The following ZNF169 variants were observed in gnomAD, a reference collection of about 807,000 sequenced individuals.
ZNF169 encodes the protein zinc finger protein 169.
In ZNF169, 11 loss-of-function variants were observed where a neutral mutation model predicts 12.0. That is an observed-to-expected ratio of 0.92 (90% CI 0.58 to 1.52). The LOEUF (loss-of-function observed/expected upper bound fraction) is 1.52. ZNF169 is among the 40% of genes most tolerant of loss of function. ZNF169 has a pLI of 0.00. For missense variants in ZNF169, 722 were observed against 744.0 expected (o/e 0.97, Z 0.34); for synonymous variants, 302 against 286.5 (o/e 1.05, Z -0.55).
At position 94,278,760 on chromosome 9, in the gene ZNF169, T is replaced by C; in HGVS notation, c.-53T>C. On this transcript the variant is annotated splice_region_variant and 5_prime_UTR_variant, in exon 2 of 5. Transcript: ENST00000395395. ...TCACTTCTCATCTCTTTCCCCAGAT[T>C]TGCCTCTGCAACTTGACTCTCCTCT... 10 of 1,583,464 alleles carry C rather than the reference T, an allele frequency of 6.3e-6. No homozygotes were observed. The South Asian group carries it at 1.1e-4, about 18-fold the overall frequency.
intron 1 of ZNF169, among the ~76,000 whole-genome samples, chr9:94,265,054 G>T (rs1478775723): frequency 3.6e-5 from 4 of 112,082 alleles, no homozygotes; most frequent in Admixed American, 1.1e-4. Flanking sequence ...TATCTCTTAG[G>T]TACTTTGGGA....
intron 1 of ZNF169, among the ~76,000 whole-genome samples, chr9:94,269,077 A>AC (rs1202009551): frequency 6.6e-6 from 1 of 152,120 alleles, no homozygotes; most frequent in Non-Finnish European, 1.5e-5. Flanking sequence ...AAAAAAAAAA[A>AC]AATTTTTCCT....
chr9:94,266,413 C>T (rs559292566), intron 1 of ZNF169, among the ~76,000 whole-genome samples: 3 of 152,282 alleles, frequency 2.0e-5, no homozygotes, highest in African/African-American at 7.2e-5. Context: ...TCGAACGCAG[C>T]GCTGGAGTGA....
chr9:94,299,004 C>A (rs1831003679), intron 4 of ZNF169, among the ~76,000 whole-genome samples: 1 of 152,158 alleles, frequency 6.6e-6, no homozygotes, highest in Non-Finnish European at 1.5e-5. Context: ...AATGAGAAGT[C>A]ATCTATTATT....
At chr9:94,283,136 T>G (rs1312832985) in intron 2 of ZNF169, among the ~76,000 whole-genome samples, 1 of 152,032 alleles carries the variant, frequency 6.6e-6, no homozygotes, top group African/African-American at 2.4e-5. Context: ...AGGGGCCGGG[T>G]GTGTTGGCTC....
chr9:94,299,568 A>G (rs934255016), intron 4 of ZNF169: 2 of 1,345,432 alleles, frequency 1.5e-6, no homozygotes, highest in South Asian at 4.5e-5. Flanking sequence ...AAAGGAAGAT[A>G]AATGTGTAAC....
chr9:94,292,661 CGTGTGGT>C lies in ZNF169; in HGVS notation c.160+199_160+205del. 11 of 698,348 alleles carry C rather than the reference CGTGTGGT, an allele frequency of 1.6e-5. 1 individual carries two copies. In the South Asian group the frequency reaches 2.0e-4, roughly 13 times the overall value. 43.3% of individuals were successfully genotyped at this position (698,348 alleles called of 1,614,324 possible). ...TGTGTGCGCGTGCACATGCTGTGAG[CGTGTGGT>C]GTGTCTGACACTGCATTTTTCAGGC... On this transcript the variant is annotated intron_variant, in intron 3 of 4. Coordinates refer to ENST00000395395, the MANE Select transcript of ZNF169 (RefSeq NM_194320.4).
At chr9:94,262,751 G>A (rs777080275) in intron 1 of ZNF169, among the ~76,000 whole-genome samples, 45 of 152,108 alleles carry the variant, frequency 3.0e-4, no homozygotes, top group Non-Finnish European at 4.4e-4. Context: ...GAGCCACCTC[G>A]CTTGGCTGAG....
At chr9:94,284,187 G>A (rs1587681130) in intron 2 of ZNF169, among the ~76,000 whole-genome samples, 2 of 151,974 alleles carry the variant, frequency 1.3e-5, no homozygotes, top group South Asian at 4.1e-4. Context: ...CACTTTGGGA[G>A]GCCAAGGCAG....
chr9:94,294,460 A>G (rs1830912657), intron 4 of ZNF169: 1 of 152,096 alleles, frequency 6.6e-6, no homozygotes, highest in Non-Finnish European at 1.5e-5. Context: ...AAAAAGATAT[A>G]TACTTAGGTG....
chr9:94,296,624 CT>C (rs1830956053), intron 4 of ZNF169, among the ~76,000 whole-genome samples: 1 of 152,058 alleles, frequency 6.6e-6, no homozygotes, highest in South Asian at 2.1e-4. Flanking sequence ...AAACACTACC[CT>C]TTTTTAACTG....
chr9:94,294,861 A>G (rs1190901781), intron 4 of ZNF169: 1 of 152,208 alleles, frequency 6.6e-6, no homozygotes, highest in Non-Finnish European at 1.5e-5. Context: ...TTAATTTTAT[A>G]TGAATGCTGG....
chr9:94,277,185 G>A (rs990150722), intron 1 of ZNF169, among the ~76,000 whole-genome samples: 2 of 152,210 alleles, frequency 1.3e-5, no homozygotes, highest in Non-Finnish European at 2.9e-5. Context: ...AATTGGTTGA[G>A]TTTATCTGAA....
intron 2 of ZNF169, among the ~76,000 whole-genome samples, chr9:94,279,291 T>C (rs904900657): frequency 1.3e-5 from 2 of 152,006 alleles, no homozygotes; most frequent in Admixed American, 6.6e-5. Flanking sequence ...CTAGGGAGGC[T>C]GAGGCAGGAG....
At chr9:94,297,130 G>A (rs1298356375) in intron 4 of ZNF169, among the ~76,000 whole-genome samples, 1 of 149,940 alleles carries the variant, frequency 6.7e-6, no homozygotes, top group Non-Finnish European at 1.5e-5. Context: ...TTTTTCATAT[G>A]AATTTTAGAA....
In ZNF169 at chr9:94,300,956, C is replaced by T; in HGVS notation, c.1398C>T (p.Gly466=). 1 of 1,613,118 alleles carries T rather than the reference C, an allele frequency of 6.2e-7. No individual in the cohort carries two copies. The highest frequency in any genetic ancestry group is 8.5e-7 in the Non-Finnish European group (1 of 1,179,738). The change falls in exon 5 of 5, where the codon GGC becomes GGT. Residue 466 remains glycine, a synonymous_variant. Coordinates refer to ENST00000395395, the MANE Select transcript of ZNF169 (RefSeq NM_194320.4). ...ACCTGTGCCCTGATTGTGGGCGTGGCTTTGGTCAGAAGGTCACCCTCATCA... is the reference window on the plus strand; with the variant it reads ...ACCTGTGCCCTGATTGTGGGCGTGGTTTTGGTCAGAAGGTCACCCTCATCA... ...KPYLCPDCGR[G]FGQKVTLIRH...
At chr9:94,268,321 C>T (rs1425276878) in intron 1 of ZNF169, among the ~76,000 whole-genome samples, 1 of 152,110 alleles carries the variant, frequency 6.6e-6, no homozygotes, top group Non-Finnish European at 1.5e-5. Flanking sequence ...ATAATTATTA[C>T]TGATAACATA....
chr9:94,297,873 A>G (rs570921623), intron 4 of ZNF169, among the ~76,000 whole-genome samples: 17 of 152,174 alleles, frequency 1.1e-4, no homozygotes, highest in Non-Finnish European at 2.2e-4. Context: ...GCTCTTAAAA[A>G]TTTGTTCCAG....
intron 1 of ZNF169, among the ~76,000 whole-genome samples, chr9:94,272,689 GA>G (rs1248625474): frequency 6.6e-6 from 1 of 152,058 alleles, no homozygotes; most frequent in Non-Finnish European, 1.5e-5. Flanking sequence ...TTCATACATT[GA>G]ATGGATACAT....
Sources: allele counts gnomAD v4.1 joint callset (sites outside exome capture counted in the v4.1 genomes callset), GRCh38; gene constraint gnomAD v4.1.1; transcripts MANE v1.5; gene names NCBI Gene and HGNC (gene_info 2026-07-23, HGNC 2026-07-21).